CLTCL1: variants seen among roughly 807,000 people sequenced by gnomAD.
CLTCL1 encodes the protein clathrin heavy chain 2.
CLTCL1 carries 159 observed loss-of-function variants against 190.0 expected under a neutral mutation model. That is an observed-to-expected ratio of 0.84 (90% CI 0.74 to 0.95). The LOEUF (loss-of-function observed/expected upper bound fraction) is 0.95. Among genes scored for constraint, CLTCL1 ranks in the 40% least tolerant of loss-of-function variants. CLTCL1 has a pLI of 0.00. For missense variants in CLTCL1, 1,878 were observed against 2,033.4 expected (o/e 0.92, Z 1.47); for synonymous variants, 752 against 769.6 (o/e 0.98, Z 0.38).
intron 2 of CLTCL1, among the ~76,000 whole-genome samples, chr22:19,260,912 G>C (rs1217275432): frequency 6.7e-6 from 1 of 149,006 alleles, no homozygotes; most frequent in Admixed American, 6.8e-5. Context: ...AAAACTCACT[G>C]TTCAGATCTA....
In CLTCL1 at chr22:19,191,444, A is replaced by G. The variant is rs1555932102; in HGVS notation, c.4192-9T>C. The G allele has an allele frequency of 3.7e-6, 6 of 1,612,550 alleles. No individual in the cohort carries two copies. The highest frequency in any genetic ancestry group is 1.8e-4 in the Middle Eastern group (1 of 5,696). ...AGCTCGACGTTGGCAACCTGTGGTGAGCAAAGCTGAGGGTCAGTCCCTGCC... is the reference window on the plus strand; with the variant it reads ...AGCTCGACGTTGGCAACCTGTGGTGGGCAAAGCTGAGGGTCAGTCCCTGCC... On this transcript the variant is annotated splice_polypyrimidine_tract_variant and intron_variant, in intron 26 of 32. Coordinates refer to ENST00000427926, the MANE Select transcript of CLTCL1 (RefSeq NM_007098.4).
At chr22:19,223,366 C>T (rs527932839) in intron 14 of CLTCL1, among the ~76,000 whole-genome samples, 31 of 138,960 alleles carry the variant, frequency 2.2e-4, no homozygotes, top group African/African-American at 7.7e-4. Context: ...TTGCAGGCCT[C>T]GCCCATAAAA....
chr22:19,205,363 A>G (rs1000482245), intron 22 of CLTCL1, among the ~76,000 whole-genome samples: 4 of 152,088 alleles, frequency 2.6e-5, no homozygotes, highest in Non-Finnish European at 4.4e-5. Context: ...TACAAAAATT[A>G]GCTGGGAGTG....
At chr22:19,257,883 C>T (rs782707158) in intron 2 of CLTCL1, 1 of 1,391,574 alleles carries the variant, frequency 7.2e-7, no homozygotes, top group South Asian at 1.1e-5. Flanking sequence ...GAAGAAGAGA[C>T]CCCAGGTCAG....
chr22:19,289,131 G>A lies in CLTCL1; in HGVS notation c.42+2469C>T, dbSNP rs797035434. Among the ~76,000 whole-genome samples, 11 of 152,206 alleles carry A rather than the reference G, an allele frequency of 7.2e-5. No individual in the cohort carries two copies. The East Asian group carries it at 7.7e-4, about 11-fold the overall frequency. ...CCTGACTAGCTGGGACTACAGGTGC[G>A]TACCAACACGCCCGGCTAATACTGT... On this transcript the variant is annotated intron_variant, in intron 1 of 32. Transcript: ENST00000427926.
intron 18 of CLTCL1, among the ~76,000 whole-genome samples, chr22:19,217,330 T>C (rs1411947487): frequency 6.6e-6 from 1 of 152,028 alleles, no homozygotes; most frequent in African/African-American, 2.4e-5. Context: ...CTTGAAAACC[T>C]TGGAGGCCGG....
At chr22:19,277,458 A>G (rs1384427966) in intron 1 of CLTCL1, among the ~76,000 whole-genome samples, 1 of 152,254 alleles carries the variant, frequency 6.6e-6, no homozygotes, top group Non-Finnish European at 1.5e-5. Context: ...CACAGAAAAG[A>G]TAAACTAAGT....
At chr22:19,239,062 C>G (rs1228373092) in intron 5 of CLTCL1, among the ~76,000 whole-genome samples, 2 of 152,194 alleles carry the variant, frequency 1.3e-5, no homozygotes, top group Non-Finnish European at 2.9e-5. Flanking sequence ...CGTCTTCCTG[C>G]TGCCCTAACT....
chr22:19,278,419 G>GC (rs1185333200), intron 1 of CLTCL1, among the ~76,000 whole-genome samples: 10 of 152,080 alleles, frequency 6.6e-5, no homozygotes, highest in African/African-American at 1.4e-4. Flanking sequence ...AGGGCACAGA[G>GC]CCCCAGGACA....
chr22:19,274,007 A>G (rs773255804), intron 2 of CLTCL1, among the ~76,000 whole-genome samples: 2 of 151,036 alleles, frequency 1.3e-5, no homozygotes, highest in African/African-American at 2.4e-5. Flanking sequence ...CCACACCACA[A>G]CACACACACA....
At chr22:19,258,753 G>A in intron 2 of CLTCL1, 1 of 694,698 alleles carries the variant, frequency 1.4e-6, no homozygotes, top group Non-Finnish European at 2.7e-6. Flanking sequence ...CTGCAGGATA[G>A]TGGACGGCAA....
intron 2 of CLTCL1, among the ~76,000 whole-genome samples, chr22:19,266,119 G>A (rs1347334200): frequency 2.6e-5 from 4 of 152,094 alleles, no homozygotes; most frequent in Non-Finnish European, 5.9e-5. Flanking sequence ...CTGGTCCCAA[G>A]TGATCCTGTC....
chr22:19,205,804 T>A (rs1267274192), intron 22 of CLTCL1, among the ~76,000 whole-genome samples: 1 of 152,238 alleles, frequency 6.6e-6, no homozygotes, highest in Non-Finnish European at 1.5e-5. Context: ...TACATATTTT[T>A]AAAAAATTTT....
At chr22:19,215,899 G>A (rs1367244106) in intron 19 of CLTCL1, among the ~76,000 whole-genome samples, 2 of 152,224 alleles carry the variant, frequency 1.3e-5, no homozygotes, top group African/African-American at 4.8e-5. Context: ...CCTAGAAAAT[G>A]TGAAACTGAG....
At chr22:19,185,789 C>T (rs782436432) in intron 29 of CLTCL1, among the ~76,000 whole-genome samples, 11 of 152,222 alleles carry the variant, frequency 7.2e-5, no homozygotes, top group Non-Finnish European at 1.3e-4. Context: ...TGTTTAAGCC[C>T]CTGACAGGGA....
intron 31 of CLTCL1, among the ~76,000 whole-genome samples, 178 bp downstream of exon 31, chr22:19,180,553 C>A (rs547025633): frequency 6.6e-6 from 1 of 152,174 alleles, no homozygotes; most frequent in Non-Finnish European, 1.5e-5. Flanking sequence ...GGGAGGACAG[C>A]GGCCGTGCCA....
chr22:19,260,705 G>A (rs555948642), intron 2 of CLTCL1, among the ~76,000 whole-genome samples: 4 of 151,280 alleles, frequency 2.6e-5, no homozygotes, highest in African/African-American at 9.7e-5. Context: ...CTTGAACTCG[G>A]GAGGTGGAGG....
Position 19,225,456 on chromosome 22 carries a change from T to G in CLTCL1, c.2125A>C (p.Lys709Gln). 6.3e-7 allele frequency: 1 copy of G among 1,578,970 alleles called. No individual in the cohort carries two copies. Among genetic ancestry groups the G allele is most frequent in the Middle Eastern group, 1.7e-4 (1 of 5,780 alleles). The change falls in exon 13 of 33, where the codon AAA becomes CAA. Residue 709 changes from lysine to glutamine, a missense_variant. Physicochemically the swap from Lys to Gln is moderately conservative, Grantham distance 53. Coordinates refer to ENST00000427926, the MANE Select transcript of CLTCL1 (RefSeq NM_007098.4). ...VELFESFKSYKGLFYFLGSIV... is the reference protein window; with the variant it reads ...VELFESFKSYQGLFYFLGSIV... ...GGCGAGAGGCTGCATGGTTTACCTT[T>G]GTAACTCTTGAAGGATTCAAAGAGC...
chr22:19,224,684 C>T (rs755325822), intron 13 of CLTCL1, among the ~76,000 whole-genome samples: 1 of 152,170 alleles, frequency 6.6e-6, no homozygotes, highest in Non-Finnish European at 1.5e-5. Flanking sequence ...CCTGGGCTGA[C>T]GGTTCTCCAC....
Sources: allele counts gnomAD v4.1 joint callset (sites outside exome capture counted in the v4.1 genomes callset), GRCh38; gene constraint gnomAD v4.1.1; transcripts MANE v1.5; gene names NCBI Gene and HGNC (gene_info 2026-07-23, HGNC 2026-07-21).